The following ECRG4 variants were observed in gnomAD, a reference collection of about 807,000 sequenced individuals.
The protein encoded by ECRG4 is augurin.
ECRG4 carries 18 observed loss-of-function variants against 15.8 expected under a neutral mutation model. The ratio of observed to expected loss-of-function variants is 1.14; its 90% CI spans 0.79 to 1.69. ECRG4 has a LOEUF of 1.69. ECRG4 is among the 40% of genes most tolerant of loss of function. The pLI is 0.00. For synonymous variants in ECRG4, 82 were observed against 73.9 expected (o/e 1.11, Z -0.56); for missense variants, 200 against 190.9 (o/e 1.05, Z -0.28).
At position 106,077,978 on chromosome 2, in the gene ECRG4, A is replaced by G; in HGVS notation, c.*52A>G. The G allele has an allele frequency of 6.4e-7, 1 of 1,561,168 alleles. No homozygotes were observed. On this transcript the variant is annotated 3_prime_UTR_variant, in exon 4 of 4. Transcript: ENST00000238044. ...AAGCAAATAGCGATTCTCTTCATGT[A>G]TCTCCTAATGCCTTACACTACTTGG... is the stretch of plus-strand genomic sequence containing the variant.
At chr2:106,068,368 A>G (rs778367645) in intron 1 of ECRG4, among the ~76,000 whole-genome samples, 13 of 152,274 alleles carry the variant, frequency 8.5e-5, no homozygotes, top group Middle Eastern at 3.4e-3. Context: ...AATCACAGCT[A>G]TTCTATTGTT....
At chr2:106,067,526 A>G (rs1308100230) in intron 1 of ECRG4, among the ~76,000 whole-genome samples, 1 of 151,444 alleles carries the variant, frequency 6.6e-6, no homozygotes, top group Non-Finnish European at 1.5e-5. Flanking sequence ...CTGGAGTGTA[A>G]TGGCGTGACC....
chr2:106,065,732 C>G lies in ECRG4; in HGVS notation c.-33C>G. 6.9e-7 allele frequency: 1 copy of G among 1,452,252 alleles called. No individual in the cohort carries two copies. The highest frequency in any genetic ancestry group is 9.1e-7 in the Non-Finnish European group (1 of 1,103,270). 90.0% of individuals were successfully genotyped at this position (1,452,252 alleles called of 1,614,324 possible). On this transcript the variant is annotated 5_prime_UTR_variant, in exon 1 of 4. Coordinates refer to ENST00000238044, the MANE Select transcript of ECRG4 (RefSeq NM_032411.3). ...TTCTCCCTCGCAGCACCTCGAAGTG[C>G]GCCCCTCGCCCTCCTGCTCGCGCCC...
At chr2:106,065,581 G>C (rs1676190680), upstream of ECRG4, 3 of 419,152 alleles carry the variant, frequency 7.2e-6, no homozygotes, top group Non-Finnish European at 1.2e-5. Context: ...TCGCCCGTGC[G>C]CTGGGCGCAG....
intron 1 of ECRG4, among the ~76,000 whole-genome samples, chr2:106,070,209 AGGTATATACCAGGGCTGT>A (rs1676332522): frequency 6.6e-6 from 1 of 152,218 alleles, no homozygotes; most frequent in South Asian, 2.1e-4. Context: ...CAAGGACAAG[AGGTATATACCAGGGCTGT>A]TCCTGGACAA....
intron 3 of ECRG4, among the ~76,000 whole-genome samples, chr2:106,077,165 C>T (rs1676505118): frequency 6.6e-6 from 1 of 152,222 alleles, no homozygotes; most frequent in East Asian, 1.9e-4. Flanking sequence ...GTGCCCAGCA[C>T]AGGGCATGAC....
intron 2 of ECRG4, among the ~76,000 whole-genome samples, chr2:106,073,044 C>T (rs1676405393): frequency 6.6e-6 from 1 of 152,184 alleles, no homozygotes; most frequent in African/African-American, 2.4e-5. Context: ...TTTGTCCATA[C>T]GACCAACGAA....
chr2:106,070,421 A>T (rs959758444), intron 1 of ECRG4, among the ~76,000 whole-genome samples: 11 of 152,170 alleles, frequency 7.2e-5, no homozygotes, highest in African/African-American at 2.7e-4. Flanking sequence ...GGAGGCTAGT[A>T]GGTTAGGTGG....
At chr2:106,065,979 A>AG in intron 1 of ECRG4, 136 bp downstream of exon 1, 5 of 736,578 alleles carry the variant, frequency 6.8e-6, no homozygotes, top group Non-Finnish European at 1.0e-5. Context: ...GGCAGGGCCA[A>AG]GGGGTGGTAG....
At position 106,077,781 on chromosome 2, in the gene ECRG4, T is replaced by A. The variant is rs1238793343; in HGVS notation, c.302T>A (p.Ile101Asn). The change falls in exon 4 of 4, where the codon ATC (isoleucine) becomes AAC (asparagine). Residue 101 changes from isoleucine to asparagine, a missense_variant. Coordinates refer to ENST00000238044, the MANE Select transcript of ECRG4 (RefSeq NM_032411.3). ...GFDEAKFEDD[I>N]TYWLNRDRNG... Reference sequence around the variant, plus strand: ...TTCCTCCAGAAATTTGAAGATGACATCACCTATTGGCTTAACAGAGATCGA... The same window carrying A: ...TTCCTCCAGAAATTTGAAGATGACAACACCTATTGGCTTAACAGAGATCGA... 1.9e-6 allele frequency: 3 copies of A among 1,613,782 alleles called. No homozygotes were observed. The highest frequency in any genetic ancestry group is 1.3e-5 in the African/African-American group (1 of 75,018).
chr2:106,066,625 G>A (rs1326751768), intron 1 of ECRG4, among the ~76,000 whole-genome samples: 1 of 152,292 alleles, frequency 6.6e-6, no homozygotes, highest in African/African-American at 2.4e-5. Flanking sequence ...TTACAACTAG[G>A]GGAGGCAGGG....
chr2:106,076,179 G>T (rs370195788), intron 3 of ECRG4, among the ~76,000 whole-genome samples: 1 of 152,060 alleles, frequency 6.6e-6, no homozygotes, highest in Non-Finnish European at 1.5e-5. Context: ...TTAGCCAGGC[G>T]TGGTGGCAGA....
intron 1 of ECRG4, among the ~76,000 whole-genome samples, chr2:106,068,730 A>G (rs972747675): frequency 6.6e-6 from 1 of 152,344 alleles, no homozygotes; most frequent in Admixed American, 6.5e-5. Context: ...TTAGAGACTG[A>G]CAGATGTTAA....
rs1157337880 is a variant in ECRG4, at chr2:106,073,679, T to C, written c.128-207T>C. 3 of 633,718 alleles carry C rather than the reference T, an allele frequency of 4.7e-6. No individual in the cohort carries two copies. The Admixed American group carries it at 7.9e-5, about 17-fold the overall frequency. The allele number at this position is 633,718 out of a possible 1,614,324, so 39.3% of individuals were successfully genotyped here. A position where few individuals can be genotyped will look rare whatever the true frequency, so the allele number is the denominator to read the frequency against. On this transcript the variant is annotated intron_variant, in intron 2 of 3. Transcript: ENST00000238044. ...GTTTAGTCCATGCCCCTTTATAGGGTTGTACCAAATAACACTTACTAACAG... is the reference window on the plus strand; with the variant it reads ...GTTTAGTCCATGCCCCTTTATAGGGCTGTACCAAATAACACTTACTAACAG...
chr2:106,075,271 A>G (rs73949296), intron 3 of ECRG4, among the ~76,000 whole-genome samples: 122 of 152,360 alleles, frequency 8.0e-4, no homozygotes, highest in African/African-American at 2.8e-3. Context: ...TGTGAGTCAC[A>G]TGTAAGAGCA....
intron 1 of ECRG4, among the ~76,000 whole-genome samples, chr2:106,069,577 C>T (rs570748901): frequency 4.6e-5 from 7 of 152,326 alleles, no homozygotes; most frequent in African/African-American, 7.2e-5. Flanking sequence ...TCAGGCTATG[C>T]GCCTGCCTTG....
chr2:106,063,883 T>G (rs1676151242), upstream of ECRG4, among the ~76,000 whole-genome samples: 1 of 152,180 alleles, frequency 6.6e-6, no homozygotes, highest in Non-Finnish European at 1.5e-5. Context: ...TGATCCCCCT[T>G]AAGTGAAGAG....
intron 1 of ECRG4, among the ~76,000 whole-genome samples, chr2:106,070,013 C>G (rs993172847): frequency 6.6e-6 from 1 of 152,214 alleles, no homozygotes; most frequent in South Asian, 2.1e-4. Context: ...CCAGCAGACT[C>G]CCAGCTCTCA....
chr2:106,074,876 A>G (rs963560421), intron 3 of ECRG4, among the ~76,000 whole-genome samples: 4 of 152,254 alleles, frequency 2.6e-5, no homozygotes, highest in African/African-American at 7.2e-5. Flanking sequence ...ACAATACTGC[A>G]GTAGGTGAAG....
Sources: allele counts gnomAD v4.1 joint callset (sites outside exome capture counted in the v4.1 genomes callset), GRCh38; gene constraint gnomAD v4.1.1; transcripts MANE v1.5; gene names NCBI Gene and HGNC (gene_info 2026-07-23, HGNC 2026-07-21).